Variants in IP6K2 observed in about 807,000 individuals in gnomAD.
IP6K2 encodes ATP:1D-myo-inositol-hexakisphosphate phosphotransferase.
A neutral mutation model predicts 43.3 loss-of-function variants in IP6K2; 9 were observed. The ratio of observed to expected loss-of-function variants is 0.21; its 90% CI spans 0.13 to 0.36. The LOEUF is 0.36. Among genes scored for constraint, IP6K2 ranks in the 10% least tolerant of loss-of-function variants. The pLI, the probability that IP6K2 is intolerant of heterozygous loss-of-function variation, is 1.00. For synonymous variants in IP6K2, 209 were observed against 202.4 expected, an observed-to-expected ratio of 1.03 and a Z score of -0.28; for missense variants, 332 against 538.4, an observed-to-expected ratio of 0.62 and a Z score of 3.79.
intron 1 of IP6K2, chr3:48,715,519 C>T: frequency 6.8e-7 from 1 of 1,480,464 alleles, no homozygotes; most frequent in South Asian, 1.2e-5. Flanking sequence ...CTGTCTGTCA[C>T]CTAGGAAGCT....
intron 2 of IP6K2, chr3:48,694,731 AGCAGGCGGC>A: frequency 6.6e-7 from 1 of 1,508,474 alleles, no homozygotes; most frequent in Non-Finnish European, 8.8e-7. Context: ...GAGGACAAAA[AGCAGGCGGC>A]AAGTATTCTG....
In IP6K2 at chr3:48,688,714, T is replaced by G; in HGVS notation, c.840A>C (p.Leu280=). 6.2e-7 allele frequency: 1 copy of G among 1,614,134 alleles called. No individual in the cohort carries two copies. The highest frequency in any genetic ancestry group is 8.5e-7 in the Non-Finnish European group (1 of 1,179,988). The change falls in exon 6 of 6, where the codon CTA becomes CTC. Residue 280 remains leucine, a synonymous_variant. Transcript: ENST00000328631. The surrounding 1 kb of genome is among the most constrained non-coding windows in gnomAD (Gnocchi z 5.1). The stretch of plus-strand genomic sequence containing the variant: ...GTGCCTCCTTGAAGCCCTGCACCGA[T>G]AGCTTCCGTCCATGGTACTTGTTCA... The part of the protein sequence containing the change: ...MFMNKYHGRK[L]SVQGFKEALF...
chr3:48,698,456 C>T (rs2078653862), intron 1 of IP6K2, among the ~76,000 whole-genome samples: 1 of 151,976 alleles, frequency 6.6e-6, no homozygotes, highest in South Asian at 2.1e-4. Context: ...ACATAGTAAG[C>T]CCCATCTCTA....
intron 2 of IP6K2, chr3:48,693,684 C>G (rs1342010707): frequency 3.7e-6 from 4 of 1,083,196 alleles, no homozygotes; most frequent in Non-Finnish European, 4.5e-6. Context: ...AATAAAGGGG[C>G]AAACAAAACA....
intron 2 of IP6K2, chr3:48,693,531 G>A: frequency 8.2e-7 from 1 of 1,217,878 alleles, no homozygotes; most frequent in Admixed American, 3.8e-5. Flanking sequence ...TTTATAGTTT[G>A]CGGGAATTTT....
intron 1 of IP6K2, among the ~76,000 whole-genome samples, chr3:48,711,943 A>AC (rs1186572159): frequency 1.3e-5 from 2 of 151,840 alleles, no homozygotes; most frequent in Non-Finnish European, 2.9e-5. Flanking sequence ...ACTTACCACC[A>AC]CCCCCTGCTG....
At chr3:48,689,245 TG>T (rs1170377331) in intron 5 of IP6K2, among the ~76,000 whole-genome samples, 1 of 152,160 alleles carries the variant, frequency 6.6e-6, no homozygotes, top group Non-Finnish European at 1.5e-5. Context: ...CTCTGCCTCC[TG>T]GGTTCAAGCT....
At chr3:48,715,632 CCAAA>C (rs942783815) in intron 1 of IP6K2, 8 of 614,732 alleles carry the variant, frequency 1.3e-5, no homozygotes, top group Admixed American at 1.2e-4. Flanking sequence ...AAAAAACAAA[CCAAA>C]CAAACAAAAA....
intron 1 of IP6K2, chr3:48,715,409 T>C: frequency 6.5e-7 from 1 of 1,536,260 alleles, no homozygotes. Context: ...GGCATCCCTC[T>C]TGGAAGGGAG....
chr3:48,709,383 C>T (rs1444301720), intron 1 of IP6K2, among the ~76,000 whole-genome samples: 3 of 152,228 alleles, frequency 2.0e-5, no homozygotes, highest in African/African-American at 7.2e-5. Flanking sequence ...TTCAACATCT[C>T]GCTTAGACAA....
chr3:48,695,460 A>C lies in IP6K2; in HGVS notation c.-130-39T>G. On this transcript the variant is annotated intron_variant, in intron 1 of 5. Transcript: ENST00000328631. The surrounding 1 kb of genome is among the most constrained non-coding windows in gnomAD (Gnocchi z 4.6). ...AAATGATGACATGGGGGTTCGAAGT[A>C]GCGTGGGAAGTGCCTTAGAGCTGCT... The C allele has an allele frequency of 7.1e-7, 1 of 1,400,146 alleles. No individual in the cohort carries two copies. The allele number at this position is 1,400,146 out of a possible 1,614,324, so 86.7% of individuals were successfully genotyped here.
chr3:48,698,901 T>C (rs374794467), intron 1 of IP6K2, among the ~76,000 whole-genome samples: 1 of 152,142 alleles, frequency 6.6e-6, no homozygotes, highest in African/African-American at 2.4e-5. Context: ...ACTGAGCCAC[T>C]GCACTCCAGA....
chr3:48,706,826 AAAAG>A (rs1296127776), intron 1 of IP6K2, among the ~76,000 whole-genome samples: 2 of 152,308 alleles, frequency 1.3e-5, no homozygotes, highest in East Asian at 1.9e-4. Flanking sequence ...AAAAAAATAA[AAAAG>A]AAAGAAAGCG....
At chr3:48,711,967 A>T (rs1415846611) in intron 1 of IP6K2, among the ~76,000 whole-genome samples, 3 of 152,180 alleles carry the variant, frequency 2.0e-5, no homozygotes, top group Admixed American at 2.0e-4. Context: ...AGGAGGAAGG[A>T]ACCATGGCAC....
At chr3:48,709,439 A>G (rs192935025) in intron 1 of IP6K2, among the ~76,000 whole-genome samples, 3 of 152,346 alleles carry the variant, frequency 2.0e-5, no homozygotes, top group African/African-American at 7.2e-5. Context: ...TCGTGGCAGC[A>G]ATCTGGCAGC....
chr3:48,711,446 G>A (rs1322108527), intron 1 of IP6K2: 1 of 152,236 alleles, frequency 6.6e-6, no homozygotes, highest in Non-Finnish European at 1.5e-5. Flanking sequence ...GAAGGGCAGA[G>A]GCAGCCCAAA....
rs149846526 is a variant in IP6K2 at position 48,713,500 on chromosome 3, AG to A, written c.-131+3656del. On this transcript the variant is annotated intron_variant, in intron 1 of 5. Coordinates refer to ENST00000328631, the MANE Select transcript of IP6K2 (RefSeq NM_016291.4). ...CAACTGGGCACATTCTCACAAACTA[AG>A]TGCAAAAGCAACACTAGAGCCAGAT... 4.7e-3 allele frequency among the ~76,000 whole-genome samples: 718 copies of A among 152,358 alleles called. 7 individuals carry two copies. Among genetic ancestry groups the A allele is most frequent in the African/African-American group, 0.016 (661 of 41,586 alleles).
chr3:48,694,962 G>T, intron 2 of IP6K2, 128 bp downstream of exon 2: 1 of 1,586,890 alleles, frequency 6.3e-7, no homozygotes, highest in Non-Finnish European at 8.6e-7. Context: ...AGGAGAAGGA[G>T]GAGAGGGAGG....
At chr3:48,713,788 C>CAA (rs397877320) in intron 1 of IP6K2, among the ~76,000 whole-genome samples, 32 of 91,720 alleles carry the variant, frequency 3.5e-4, no homozygotes, top group African/African-American at 8.7e-4. Context: ...GACATTTTTT[C>CAA]AAAAAAAAAA....
Sources: allele counts gnomAD v4.1 joint callset (sites outside exome capture counted in the v4.1 genomes callset), GRCh38; gene constraint gnomAD v4.1.1; non-coding constraint Gnocchi (gnomAD v3.1); transcripts MANE v1.5; gene names NCBI Gene and HGNC (gene_info 2026-07-23, HGNC 2026-07-21).